C8orf34: variants seen among roughly 807,000 people sequenced by gnomAD.
C8orf34 encodes the protein uncharacterized protein C8orf34.
In C8orf34, 65 loss-of-function variants were observed where a neutral mutation model predicts 68.3. The observed-to-expected ratio is 0.95, with a 90% CI of 0.78 to 1.17. The LOEUF is 1.17. Among genes scored for constraint, C8orf34 ranks in the 50% most tolerant of loss-of-function variants. The probability of loss-of-function intolerance (pLI) is 0.00; values close to 1 mark genes in which losing one functional copy is unlikely to be tolerated. For synonymous variants in C8orf34, 244 were observed against 241.2 expected (o/e 1.01, Z -0.11); for missense variants, 664 against 655.4 (o/e 1.01, Z -0.14).
At chr8:68,436,817 C>G (rs1309540643) in intron 1 of C8orf34, among the ~76,000 whole-genome samples, 2 of 152,114 alleles carry the variant, frequency 1.3e-5, no homozygotes, top group Non-Finnish European at 2.9e-5. Context: ...TCTATCAGTC[C>G]CTCAGGTCTA....
intron 5 of C8orf34, among the ~76,000 whole-genome samples, chr8:68,496,313 C>T (rs1474262828): frequency 6.6e-6 from 1 of 152,156 alleles, no homozygotes; most frequent in African/African-American, 2.4e-5. Context: ...ATACTCATAA[C>T]AACCCCATGA....
At chr8:68,407,322 C>T (rs1257326698) in intron 1 of C8orf34, among the ~76,000 whole-genome samples, 1 of 152,046 alleles carries the variant, frequency 6.6e-6, no homozygotes, top group East Asian at 1.9e-4. Context: ...AATTCCCTGG[C>T]CCCCCATTTG....
intron 1 of C8orf34, among the ~76,000 whole-genome samples, chr8:68,416,367 C>G (rs1417991913): frequency 2.6e-5 from 4 of 152,054 alleles, no homozygotes; most frequent in African/African-American, 7.2e-5. Context: ...TAGAATACAA[C>G]CTTTCTAGAA....
intron 8 of C8orf34, among the ~76,000 whole-genome samples, chr8:68,653,577 G>A (rs1389915367): frequency 6.6e-6 from 1 of 152,176 alleles, no homozygotes; most frequent in African/African-American, 2.4e-5. Context: ...AGATTGGGGT[G>A]CCAGCATGGC....
At chr8:68,348,404 C>T (rs573957674) in intron 1 of C8orf34, among the ~76,000 whole-genome samples, 1 of 152,130 alleles carries the variant, frequency 6.6e-6, no homozygotes, top group Admixed American at 6.6e-5. Flanking sequence ...TGTGATGTCT[C>T]CAGCTTTGTT....
intron 5 of C8orf34, among the ~76,000 whole-genome samples, chr8:68,496,251 C>T (rs916133430): frequency 6.6e-6 from 1 of 152,146 alleles, no homozygotes; most frequent in African/African-American, 2.4e-5. Context: ...ATTTATCAAG[C>T]ACGTAGTGTG....
chr8:68,389,851 A>T (rs2129620567), intron 1 of C8orf34, among the ~76,000 whole-genome samples: 1 of 152,282 alleles, frequency 6.6e-6, no homozygotes, highest in South Asian at 2.1e-4. Context: ...CAGAAAGCAA[A>T]ATCTAGTTCA....
At chr8:68,811,736 G>A (rs1405232016) in intron 12 of C8orf34, among the ~76,000 whole-genome samples, 1 of 152,196 alleles carries the variant, frequency 6.6e-6, no homozygotes, top group Non-Finnish European at 1.5e-5. Flanking sequence ...TGGGACAGAA[G>A]TAACATTTAT....
At chr8:68,380,785 G>T (rs964458262) in intron 1 of C8orf34, among the ~76,000 whole-genome samples, 2 of 152,172 alleles carry the variant, frequency 1.3e-5, no homozygotes, top group Non-Finnish European at 2.9e-5. Context: ...TGAAACTCAG[G>T]CTTAGAAGAG....
intron 5 of C8orf34, among the ~76,000 whole-genome samples, chr8:68,503,505 A>C (rs1239450526): frequency 6.6e-6 from 1 of 152,082 alleles, no homozygotes; most frequent in African/African-American, 2.4e-5. Flanking sequence ...TATTTGTATG[A>C]ACATTTTCAT....
intron 10 of C8orf34, among the ~76,000 whole-genome samples, chr8:68,767,674 T>C (rs539947113): frequency 6.6e-6 from 1 of 152,298 alleles, no homozygotes; most frequent in Non-Finnish European, 1.5e-5. Context: ...CTCACTGTTA[T>C]TCAGGCTGGA....
intron 1 of C8orf34, among the ~76,000 whole-genome samples, chr8:68,393,339 A>G (rs1480436508): frequency 6.6e-6 from 1 of 152,160 alleles, no homozygotes; most frequent in African/African-American, 2.4e-5. Context: ...TGCTGCAGGA[A>G]ATGGATGGAG....
rs1807360133 is a variant in C8orf34 at position 68,367,907 on chromosome 8, G to GAAAAAA, written c.327+36572_327+36573insAAAAAA. Among the ~76,000 whole-genome samples, 30 of 15,022 alleles carry GAAAAAA rather than the reference G, an allele frequency of 2.0e-3. 1 individual carries two copies. Among genetic ancestry groups the GAAAAAA allele is most frequent in the Non-Finnish European group, 2.3e-3 (18 of 7,670 alleles). The allele number at this position is 15,022 out of a possible 152,430, so 9.9% of individuals were successfully genotyped here. A position where few individuals can be genotyped will look rare whatever the true frequency, so the allele number is the denominator to read the frequency against. On this transcript the variant is annotated intron_variant, in intron 1 of 13. Coordinates refer to ENST00000518698, the MANE Select transcript of C8orf34 (RefSeq NM_052958.4). Reference sequence around the variant, plus strand: ...TAAAACCTAAAGTATAATAAAAAAAGAAAAGAAAAAAAAAAAAAAAAAAAA... The same window carrying GAAAAAA: ...TAAAACCTAAAGTATAATAAAAAAAGAAAAAAAAAAGAAAAAAAAAAAAAAAAAAAA...
intron 3 of C8orf34, among the ~76,000 whole-genome samples, chr8:68,460,655 C>T (rs527448257): frequency 4.2e-4 from 64 of 152,288 alleles, no homozygotes; most frequent in Middle Eastern, 6.8e-3. Flanking sequence ...TGTTCTACAG[C>T]CACGACTGCT....
At chr8:68,504,466 A>G (rs1586276497) in intron 5 of C8orf34, among the ~76,000 whole-genome samples, 2 of 152,236 alleles carry the variant, frequency 1.3e-5, no homozygotes, top group South Asian at 2.1e-4. Flanking sequence ...ATGCTAGGTC[A>G]TATGGTAACT....
intron 10 of C8orf34, among the ~76,000 whole-genome samples, chr8:68,762,190 G>A (rs1477600912): frequency 2.6e-5 from 4 of 152,150 alleles, no homozygotes; most frequent in African/African-American, 9.7e-5. Flanking sequence ...CTCGATTTGT[G>A]TCATCTCGGA....
chr8:68,333,712 T>A (rs1585930652), intron 1 of C8orf34, among the ~76,000 whole-genome samples: 1 of 152,222 alleles, frequency 6.6e-6, no homozygotes, highest in Non-Finnish European at 1.5e-5. Flanking sequence ...CCCAGCAATC[T>A]GAACATATTT....
chr8:68,583,577 G>A (rs892684513), intron 7 of C8orf34, among the ~76,000 whole-genome samples: 1 of 151,956 alleles, frequency 6.6e-6, no homozygotes, highest in Non-Finnish European at 1.5e-5. Flanking sequence ...CAAATCCCCG[G>A]ACTGATATAT....
intron 7 of C8orf34, chr8:68,534,851 T>C: frequency 1.0e-6 from 1 of 985,386 alleles, no homozygotes; most frequent in Non-Finnish European, 1.2e-6. Context: ...TCTCCCAAGC[T>C]GAAGACCGAG....
Sources: allele counts gnomAD v4.1 joint callset (sites outside exome capture counted in the v4.1 genomes callset), GRCh38; gene constraint gnomAD v4.1.1; transcripts MANE v1.5; gene names NCBI Gene and HGNC (gene_info 2026-07-23, HGNC 2026-07-21).